NRG1: variants seen among roughly 807,000 people sequenced by gnomAD.
NRG1 encodes the protein pro-neuregulin-1, membrane-bound isoform.
A neutral mutation model predicts 63.8 loss-of-function variants in NRG1; 18 were observed. That is an observed-to-expected ratio of 0.28 (90% CI 0.19 to 0.42). The LOEUF (loss-of-function observed/expected upper bound fraction) is 0.42, where lower values mean the gene tolerates loss of function less well. NRG1 is among the 10% of genes least tolerant of loss of function. The pLI is 1.00. For synonymous variants in NRG1, 302 were observed against 301.3 expected (o/e 1.00, Z -0.02); for missense variants, 762 against 814.7 (o/e 0.94, Z 0.79).
Position 32,256,817 on chromosome 8 carries a change from T to C in NRG1, c.38-339011T>C, listed in dbSNP as rs746921191. On this transcript the variant is annotated intron_variant, in intron 1 of 10. Transcript: ENST00000519301. ...CCTTAGCAGAACTTGAGCACTGTGC[T>C]AGGAGTTCTGCTGCTCTCTTCAGAG... 2.0e-5 allele frequency among the ~76,000 whole-genome samples: 3 copies of C among 152,150 alleles called. No homozygotes were observed. In the South Asian group the frequency reaches 6.2e-4, roughly 32 times the overall value.
chr8:31,864,107 T>C (rs1248002867), intron 1 of NRG1, among the ~76,000 whole-genome samples: 1 of 152,226 alleles, frequency 6.6e-6, no homozygotes, highest in Non-Finnish European at 1.5e-5. Context: ...TGGTATCTAG[T>C]CTTAACCCTC....
At chr8:32,279,642 C>T (rs1015031963) in intron 1 of NRG1, among the ~76,000 whole-genome samples, 14 of 152,214 alleles carry the variant, frequency 9.2e-5, no homozygotes, top group Admixed American at 3.9e-4. Flanking sequence ...TGAGCCACCA[C>T]GCCCGGCCAA....
At chr8:32,502,980 C>T (rs1201390717) in intron 1 of NRG1, among the ~76,000 whole-genome samples, 1 of 152,040 alleles carries the variant, frequency 6.6e-6, no homozygotes, top group Non-Finnish European at 1.5e-5. Context: ...CCTTTAGTCT[C>T]TGCCAAATTA....
intron 1 of NRG1, among the ~76,000 whole-genome samples, chr8:31,707,580 T>C (rs1256311966): frequency 6.6e-6 from 1 of 152,150 alleles, no homozygotes; most frequent in East Asian, 1.9e-4. Flanking sequence ...TAAATTGCTG[T>C]CTTTATGATC....
intron 1 of NRG1, among the ~76,000 whole-genome samples, chr8:32,458,966 C>T (rs1297468720): frequency 6.6e-6 from 1 of 152,166 alleles, no homozygotes; most frequent in Non-Finnish European, 1.5e-5. Context: ...AAATGCCAAG[C>T]ATCCCTGGGA....
chr8:31,741,736 G>A (rs1466075369), intron 1 of NRG1, among the ~76,000 whole-genome samples: 2 of 151,962 alleles, frequency 1.3e-5, no homozygotes, highest in East Asian at 1.9e-4. Context: ...AGGATGAGAA[G>A]CAATACTGCT....
chr8:32,223,841 A>G (rs1225567138), intron 1 of NRG1, among the ~76,000 whole-genome samples: 1 of 152,128 alleles, frequency 6.6e-6, no homozygotes, highest in Non-Finnish European at 1.5e-5. Flanking sequence ...AAGCAGCAGG[A>G]AAAATAAGCA....
chr8:32,433,051 G>A (rs1818349284), intron 1 of NRG1, among the ~76,000 whole-genome samples: 1 of 152,096 alleles, frequency 6.6e-6, no homozygotes, highest in Non-Finnish European at 1.5e-5. Context: ...GTCAGGGCAG[G>A]GGCTCTTGCA....
chr8:32,175,193 A>G (rs1210057715), intron 1 of NRG1, among the ~76,000 whole-genome samples: 1 of 152,206 alleles, frequency 6.6e-6, no homozygotes, highest in African/African-American at 2.4e-5. Context: ...AAATCAATAA[A>G]TGTAATCCAG....
At chr8:32,268,306 G>A (rs1470671125) in intron 1 of NRG1, among the ~76,000 whole-genome samples, 4 of 152,208 alleles carry the variant, frequency 2.6e-5, no homozygotes, top group African/African-American at 4.8e-5. Flanking sequence ...CACATAACCC[G>A]TGAGATAATA....
chr8:31,896,190 A>G (rs1283813862), intron 1 of NRG1, among the ~76,000 whole-genome samples: 1 of 152,218 alleles, frequency 6.6e-6, no homozygotes, highest in African/African-American at 2.4e-5. Flanking sequence ...TCATTATAGT[A>G]GAATCCATTC....
Position 32,046,390 on chromosome 8 carries a change from A to G in NRG1, c.37+406959A>G, listed in dbSNP as rs77400293. On this transcript the variant is annotated intron_variant, in intron 1 of 10. Transcript: ENST00000519301. Reference sequence around the variant, plus strand: ...AAGCTGCTTGAAAAATGGGTTGGCAATTTCTCAGAAAGGTGAACAAATGCT... The same window carrying G: ...AAGCTGCTTGAAAAATGGGTTGGCAGTTTCTCAGAAAGGTGAACAAATGCT... Among the ~76,000 whole-genome samples the G allele has an allele frequency of 9.7e-3, 1,475 of 152,214 alleles. 30 individuals carry two copies. Among genetic ancestry groups the G allele is most frequent in the South Asian group, 0.085 (410 of 4,824 alleles).
chr8:32,548,185 G>C, upstream of NRG1: 2 of 972,444 alleles, frequency 2.1e-6, no homozygotes, highest in Non-Finnish European at 2.4e-6. Context: ...CGGGGTGGGG[G>C]TGTGGTGGGG....
intron 1 of NRG1, among the ~76,000 whole-genome samples, chr8:32,355,308 A>T (rs183383713): frequency 3.3e-5 from 5 of 152,048 alleles, no homozygotes; most frequent in Admixed American, 2.6e-4. Flanking sequence ...AAATACAAAA[A>T]ATTAGCCGGG....
At chr8:32,126,864 C>A (rs561959968) in intron 1 of NRG1, among the ~76,000 whole-genome samples, 1 of 151,934 alleles carries the variant, frequency 6.6e-6, no homozygotes, top group South Asian at 2.1e-4. Context: ...CCTTAATTAA[C>A]AAACAGCTGT....
intron 1 of NRG1, among the ~76,000 whole-genome samples, chr8:31,788,420 A>G (rs1820384012): frequency 6.6e-6 from 1 of 152,170 alleles, no homozygotes; most frequent in Admixed American, 6.5e-5. Context: ...TTAGGCTTGA[A>G]ATAAGTTTAA....
At chr8:32,056,063 A>G (rs372895823) in intron 1 of NRG1, among the ~76,000 whole-genome samples, 4 of 152,292 alleles carry the variant, frequency 2.6e-5, no homozygotes, top group African/African-American at 7.2e-5. Flanking sequence ...CTCTCCCCAT[A>G]GAGAAGCAAC....
chr8:32,126,195 G>A (rs768226556), intron 1 of NRG1, among the ~76,000 whole-genome samples: 3 of 151,758 alleles, frequency 2.0e-5, no homozygotes, highest in Non-Finnish European at 2.9e-5. Flanking sequence ...TCTGGGTATC[G>A]CAAAAGATAA....
At chr8:31,859,459 G>A (rs577666875) in intron 1 of NRG1, among the ~76,000 whole-genome samples, 8 of 152,178 alleles carry the variant, frequency 5.3e-5, no homozygotes, top group Admixed American at 1.3e-4. Context: ...AAGCTCGTTC[G>A]TAAACCATCG....
Sources: allele counts gnomAD v4.1 joint callset (sites outside exome capture counted in the v4.1 genomes callset), GRCh38; gene constraint gnomAD v4.1.1; transcripts MANE v1.5; gene names NCBI Gene and HGNC (gene_info 2026-07-23, HGNC 2026-07-21).